Variants in CCM2 observed in about 807,000 individuals in gnomAD.
The protein encoded by CCM2 is cerebral cavernous malformations 2 protein.
Under a neutral mutation model 44.9 loss-of-function variants are expected in CCM2, and 25 were observed. The ratio of observed to expected loss-of-function variants is 0.56; its 90% CI spans 0.41 to 0.78. CCM2 has a LOEUF of 0.78. Among genes scored for constraint, CCM2 ranks in the 30% least tolerant of loss-of-function variants. The pLI is 0.00. For missense variants in CCM2, 481 were observed against 580.6 expected (o/e 0.83, Z 1.76); for synonymous variants, 219 against 241.1 (o/e 0.91, Z 0.85).
chr7:45,076,168 GC>G lies in CCM2; in HGVS notation c.*114del. On this transcript the variant is annotated 3_prime_UTR_variant, in exon 10 of 10. Transcript: ENST00000258781. Reference sequence around the variant, plus strand: ...CCCTTGGTGGTGGCCAGGGAGAGGCGCCCGGTGCAGATGGCCCCGGGCGGCC... The same window carrying G: ...CCCTTGGTGGTGGCCAGGGAGAGGCGCCGGTGCAGATGGCCCCGGGCGGCC... 6.7e-7 allele frequency: 1 copy of G among 1,502,826 alleles called. No homozygotes were observed. The allele number at this position is 1,502,826 out of a possible 1,614,324, so 93.1% of individuals were successfully genotyped here.
At chr7:45,047,411 C>T (rs148291333) in intron 2 of CCM2, among the ~76,000 whole-genome samples, 1 of 152,300 alleles carries the variant, frequency 6.6e-6, no homozygotes, top group African/African-American at 2.4e-5. Context: ...GTGGCACCTG[C>T]CTGTAGTCCC....
intron 1 of CCM2, among the ~76,000 whole-genome samples, chr7:45,029,166 G>C (rs1163672478): frequency 1.3e-5 from 2 of 152,150 alleles, no homozygotes; most frequent in Non-Finnish European, 1.5e-5. Flanking sequence ...GGGGTTCCCT[G>C]GGGGCAGGGA....
rs542158374 is a variant in CCM2, at chr7:45,028,656, C to CA, written c.31-9588dup. Among the ~76,000 whole-genome samples the CA allele has an allele frequency of 5.4e-3, 801 of 148,198 alleles. 10 individuals carry two copies. Among genetic ancestry groups the CA allele is most frequent in the African/African-American group, 0.019 (748 of 40,140 alleles). On this transcript the variant is annotated intron_variant, in intron 1 of 9. Transcript: ENST00000258781. ...TGGGTGACAGAGTGAAACTCCGGCT[C>CA]AAAAAAAAAGAAAAGAAAGAAATTA...
intron 1 of CCM2, among the ~76,000 whole-genome samples, chr7:45,018,948 T>C (rs1003423702): frequency 2.0e-5 from 3 of 150,544 alleles, no homozygotes; most frequent in Non-Finnish European, 4.4e-5. Flanking sequence ...TTAATAGAAA[T>C]GTGGTTTTGC....
At chr7:45,070,504 C>A (rs1773343441) in intron 6 of CCM2, 3 of 455,330 alleles carry the variant, frequency 6.6e-6, no homozygotes, top group African/African-American at 6.0e-5. Context: ...TCTCTTCCTG[C>A]ATGGCCCACA....
intron 1 of CCM2, among the ~76,000 whole-genome samples, chr7:45,029,026 G>A (rs556352059): frequency 6.6e-6 from 1 of 152,152 alleles, no homozygotes; most frequent in Non-Finnish European, 1.5e-5. Context: ...CAGAATCATC[G>A]CTCCAGGTTC....
intron 2 of CCM2, among the ~76,000 whole-genome samples, chr7:45,039,130 C>A (rs1400451791): frequency 6.6e-6 from 1 of 152,100 alleles, no homozygotes; most frequent in African/African-American, 2.4e-5. Context: ...TTCGAATGTC[C>A]ATGGGAGGGA....
chr7:45,037,307 G>A (rs950668452), intron 1 of CCM2, among the ~76,000 whole-genome samples: 1 of 151,928 alleles, frequency 6.6e-6, no homozygotes, highest in Non-Finnish European at 1.5e-5. Flanking sequence ...CACTCTTTAA[G>A]GTGACTTTGA....
chr7:45,014,769 G>A (rs1322193999), intron 1 of CCM2, among the ~76,000 whole-genome samples: 1 of 151,816 alleles, frequency 6.6e-6, no homozygotes, highest in Non-Finnish European at 1.5e-5. Context: ...TCACAGGCGT[G>A]CACCACCAAG....
intron 1 of CCM2, chr7:45,029,435 C>G (rs373803676): frequency 6.6e-6 from 1 of 152,162 alleles, no homozygotes; most frequent in Admixed American, 6.5e-5. Context: ...TCTCTTTCTT[C>G]CTTCATAGAC....
chr7:45,050,156 T>C (rs1797935952), intron 2 of CCM2, among the ~76,000 whole-genome samples: 1 of 152,238 alleles, frequency 6.6e-6, no homozygotes, highest in Non-Finnish European at 1.5e-5. Context: ...TCACAAATAC[T>C]TACTATTGTG....
intron 2 of CCM2, among the ~76,000 whole-genome samples, chr7:45,058,798 CAG>C (rs1167148668): frequency 6.6e-6 from 1 of 151,678 alleles, no homozygotes; most frequent in Non-Finnish European, 1.5e-5. Flanking sequence ...TTTTTTGAGA[CAG>C]AGTTTTTGTT....
intron 2 of CCM2, among the ~76,000 whole-genome samples, chr7:45,060,497 T>G (rs920370776): frequency 6.6e-6 from 1 of 152,254 alleles, no homozygotes; most frequent in Non-Finnish European, 1.5e-5. Flanking sequence ...GACATTAGTT[T>G]GGGGAACTTC....
At chr7:45,072,171 C>G in intron 6 of CCM2, 1 of 336,450 alleles carries the variant, frequency 3.0e-6, no homozygotes, top group Non-Finnish European at 5.8e-6. Flanking sequence ...TCACACGGAC[C>G]TAATGTCATT....
chr7:45,073,428 G>T (rs370798947), intron 7 of CCM2, 32 bp from the exon 8 acceptor site: 53 of 1,536,556 alleles, frequency 3.4e-5, no homozygotes, highest in Non-Finnish European at 4.7e-5. Flanking sequence ...GGTCGGGGAA[G>T]CCACCCGCTC....
At chr7:45,022,421 C>G (rs897774342) in intron 1 of CCM2, among the ~76,000 whole-genome samples, 1 of 146,280 alleles carries the variant, frequency 6.8e-6, no homozygotes, top group Admixed American at 7.1e-5. Context: ...ATTCTCCTGT[C>G]TCAGCCTCCC....
chr7:45,069,950 C>T lies in CCM2; in HGVS notation c.734C>T (p.Ser245Phe), dbSNP rs1334378254. 1 of 1,613,984 alleles carries T rather than the reference C, an allele frequency of 6.2e-7. No homozygotes were observed. The highest frequency in any genetic ancestry group is 1.7e-5 in the Admixed American group (1 of 60,024). Residue 245 changes from serine to phenylalanine, a missense_variant, in exon 6 of 10, where the codon TCC becomes TTC. Physicochemically the swap from Ser to Phe is radical, Grantham distance 155. Transcript: ENST00000258781. Reference sequence around the variant, plus strand: ...GCCTCTACCCCGACCCACCACCTGTCCCTGCACAGCGGTATGTTGAGTGAG... The same window carrying T: ...GCCTCTACCCCGACCCACCACCTGTTCCTGCACAGCGGTATGTTGAGTGAG... ...DGASTPTHHL[S>F]LHSDDSSTKV...
intron 1 of CCM2, among the ~76,000 whole-genome samples, chr7:45,023,799 T>TTTTTTTG (rs1796578063): frequency 1.2e-5 from 1 of 81,728 alleles, no homozygotes. Context: ...TTTTTTTTTT[T>TTTTTTTG]TTTTTTTTTT....
rs201660735 is a variant in CCM2, at chr7:45,057,451, G to A, written c.205-6467G>A. 8.5e-5 allele frequency among the ~76,000 whole-genome samples: 13 copies of A among 152,144 alleles called. No homozygotes were observed. In the East Asian group the frequency reaches 1.4e-3, roughly 16 times the overall value. On this transcript the variant is annotated intron_variant, in intron 2 of 9. Transcript: ENST00000258781. ...GCTAGGATTACAGGTGTGAGCCACC[G>A]CGCCTGGCCTTGGGCTCTCTTTTCC...
Sources: allele counts gnomAD v4.1 joint callset (sites outside exome capture counted in the v4.1 genomes callset), GRCh38; gene constraint gnomAD v4.1.1; transcripts MANE v1.5; gene names NCBI Gene and HGNC (gene_info 2026-07-23, HGNC 2026-07-21).